LINC00632: variants seen among roughly 807,000 people sequenced by gnomAD.
The protein encoded by LINC00632 is ALDOA related specific transcript.
intron 3 of LINC00632, among the ~76,000 whole-genome samples, chrX:140,758,934 ATTTAT>A (rs929707100): frequency 3.1e-5 from 3 of 96,038 alleles, no homozygotes; most frequent in African/African-American, 1.2e-4. Context: ...AGCTTCTTTC[ATTTAT>A]TTTATTTTAT....
chrX:140,744,646 T>A (rs1931298030), intron 3 of LINC00632, among the ~76,000 whole-genome samples: 1 of 107,020 alleles, frequency 9.3e-6, no homozygotes, highest in Non-Finnish European at 1.9e-5. Flanking sequence ...CTTGGCTCAC[T>A]GCAACCTCTG....
chrX:140,757,262 A>C, intron 3 of LINC00632, among the ~76,000 whole-genome samples: 1 of 111,302 alleles, frequency 9.0e-6, no homozygotes, highest in Non-Finnish European at 1.9e-5. Context: ...AAAAAAATTT[A>C]AAAAGACAAA....
intron 3 of LINC00632, among the ~76,000 whole-genome samples, chrX:140,768,624 A>AAT (rs1279058096): frequency 1.4e-5 from 1 of 72,767 alleles, no homozygotes; most frequent in South Asian, 8.3e-4. Flanking sequence ...TCACATAATA[A>AAT]ATATATATAC....
chrX:140,746,569 C>A (rs1244903288), intron 3 of LINC00632, among the ~76,000 whole-genome samples: 1 of 112,158 alleles, frequency 8.9e-6, no homozygotes, highest in Non-Finnish European at 1.9e-5. Flanking sequence ...TATTCACATT[C>A]CTGATGGATT....
chrX:140,755,609 GATGAATTT>G (rs1418169983), intron 3 of LINC00632, among the ~76,000 whole-genome samples: 1 of 112,316 alleles, frequency 8.9e-6, no homozygotes, highest in African/African-American at 3.2e-5. Context: ...AGAATGAATA[GATGAATTT>G]ATGAATATTA....
intron 3 of LINC00632, among the ~76,000 whole-genome samples, chrX:140,759,324 CCTTCCTTCCTTCCTTCCTTCCTTT>C (rs754314993): frequency 0.031 from 2,231 of 72,534 alleles, 37 homozygotes; most frequent in Middle Eastern, 0.085. Flanking sequence ...TTCCTTCCTT[CCTTCCTTCCTTCCTTCCTTCCTTT>C]CTTTCTTTCT....
intron 3 of LINC00632, among the ~76,000 whole-genome samples, chrX:140,766,183 C>A (rs1931689055): frequency 9.0e-6 from 1 of 111,688 alleles, no homozygotes; most frequent in Non-Finnish European, 1.9e-5. Flanking sequence ...TTCTTATAGG[C>A]CTGGTTTAGC....
exon 5 of LINC00632, among the ~76,000 whole-genome samples, chrX:140,790,741 G>A (rs1209158275): frequency 9.0e-6 from 1 of 110,503 alleles, no homozygotes; most frequent in Non-Finnish European, 1.9e-5. Flanking sequence ...AGAATTGTTA[G>A]GCTTATTTGT....
chrX:140,776,014 T>A (rs1305482048), exon 5 of LINC00632, among the ~76,000 whole-genome samples: 1 of 111,005 alleles, frequency 9.0e-6, no homozygotes, highest in Non-Finnish European at 1.9e-5. Flanking sequence ...GGGAGAAAAA[T>A]TTTGCAATCT....
chrX:140,791,125 A>G (rs1181576281), exon 5 of LINC00632, among the ~76,000 whole-genome samples: 1 of 107,139 alleles, frequency 9.3e-6, no homozygotes, highest in Non-Finnish European at 2.0e-5. Context: ...TATAATTGCC[A>G]TTGTTTCTGA....
At chrX:140,712,150 A>G (rs1480745665) in intron 2 of LINC00632, 1 of 110,515 alleles carries the variant, frequency 9.0e-6, no homozygotes, top group Non-Finnish European at 1.9e-5. Flanking sequence ...TTCTGACAGC[A>G]TACTAGAGCA....
intron 3 of LINC00632, among the ~76,000 whole-genome samples, chrX:140,754,147 A>G (rs917016627): frequency 9.0e-6 from 1 of 111,534 alleles, no homozygotes; most frequent in African/African-American, 3.3e-5. Flanking sequence ...GTTCCAGTTC[A>G]AAAACCTCCC....
intron 2 of LINC00632, among the ~76,000 whole-genome samples, chrX:140,725,367 AGACT>A (rs200077587): frequency 0.048 from 5,013 of 105,408 alleles, 120 homozygotes; most frequent in Middle Eastern, 0.092. Flanking sequence ...ACACACACAC[AGACT>A]AATTCCATAC....
At chrX:140,721,037 C>T (rs746796583) in intron 2 of LINC00632, among the ~76,000 whole-genome samples, 12 of 111,287 alleles carry the variant, frequency 1.1e-4, no homozygotes, top group Non-Finnish European at 2.1e-4. Context: ...ACCAGACTTA[C>T]GTTGCAATAG....
chrX:140,759,121 T>A (rs779419980), intron 3 of LINC00632, among the ~76,000 whole-genome samples: 15 of 105,228 alleles, frequency 1.4e-4, no homozygotes, highest in African/African-American at 5.4e-4. Flanking sequence ...TGTGCCACCA[T>A]GCCCAGTTAA....
intron 3 of LINC00632, among the ~76,000 whole-genome samples, chrX:140,768,673 A>C (rs1183456623): frequency 1.0e-5 from 1 of 97,686 alleles, no homozygotes; most frequent in East Asian, 3.0e-4. Flanking sequence ...ATCTATAATA[A>C]ATATACATAC....
chrX:140,771,687 T>TA (rs768154938), intron 3 of LINC00632, among the ~76,000 whole-genome samples: 1,333 of 48,312 alleles, frequency 0.028, 43 homozygotes, highest in African/African-American at 0.12. Context: ...ATATATATAT[T>TA]TTTTTTTTTT....
intron 2 of LINC00632, among the ~76,000 whole-genome samples, chrX:140,717,217 G>A (rs1055910542): frequency 9.0e-6 from 1 of 110,562 alleles, no homozygotes; most frequent in African/African-American, 3.3e-5. Context: ...TCCTGACCCC[G>A]TGATCCACCT....
rs1374080671 is a variant in LINC00632 at position 140,771,610 on chromosome X, TATAC to T, written n.192-466_192-463del. On this transcript the variant is annotated intron_variant and non_coding_transcript_variant, in intron 3 of 4. Coordinates refer to ENST00000648200, the Ensembl canonical transcript of LINC00632. ...ACCTTTGCAAGGGCAATTTGGCATA[TATAC>T]ACACACACACACACACACACACACA... Among the ~76,000 whole-genome samples, 331 of 43,601 alleles carry T rather than the reference TATAC, an allele frequency of 7.6e-3. 1 individual carries two copies. Among genetic ancestry groups the T allele is most frequent in the African/African-American group, 0.032 (303 of 9,403 alleles). The allele number at this position is 43,601 out of a possible 115,157, so 37.9% of individuals were successfully genotyped here.
Sources: allele counts gnomAD v4.1 joint callset (sites outside exome capture counted in the v4.1 genomes callset), GRCh38; gene constraint gnomAD v4.1.1; transcripts MANE v1.5; gene names NCBI Gene and HGNC (gene_info 2026-07-23, HGNC 2026-07-21).